Variants in GOLGA4 observed in about 807,000 individuals in gnomAD.
GOLGA4 encodes the protein golgin A4, also known as golgin subfamily A member 4.
A neutral mutation model predicts 265.9 loss-of-function variants in GOLGA4; 169 were observed. The observed-to-expected ratio is 0.64, with a 90% CI of 0.56 to 0.72. The LOEUF is 0.72. Ranked by LOEUF, GOLGA4 falls within the 30% of genes least tolerant of loss-of-function variation. The pLI is 0.00. For synonymous variants in GOLGA4, 923 were observed against 855.8 expected, an observed-to-expected ratio of 1.08 and a Z score of -1.37; for missense variants, 2,482 against 2,483.4, an observed-to-expected ratio of 1.00 and a Z score of 0.01.
intron 1 of GOLGA4, among the ~76,000 whole-genome samples, chr3:37,248,022 C>G (rs1444943229): frequency 2.0e-5 from 3 of 152,286 alleles, no homozygotes; most frequent in African/African-American, 7.2e-5. Context: ...TTAAATATGC[C>G]TTTAAAATCC....
rs772186725 is a variant in GOLGA4, at chr3:37,326,356, G to A, written c.4470G>A (p.Gln1490=). The part of the protein sequence containing the change: ...QINLLKEELD[Q]QNKRFDCLKG... ...ATTTATTGAAGGAAGAGCTTGATCA[G>A]CAAAATAAAAGATTTGATTGTTTAA... The change falls in exon 14 of 24, where the codon CAG becomes CAA. Residue 1490 remains glutamine (Q), a synonymous_variant. Transcript: ENST00000361924. 6.2e-7 allele frequency: 1 copy of A among 1,612,528 alleles called. No individual in the cohort carries two copies. The highest frequency in any genetic ancestry group is 8.5e-7 in the Non-Finnish European group (1 of 1,179,482).
Position 37,325,055 on chromosome 3 carries a change from G to T in GOLGA4, c.3169G>T (p.Glu1057Ter). The change falls in exon 14 of 24, where the codon GAA (glutamate) becomes TAA (stop). Residue 1057 changes from glutamate (E) to a stop codon, truncating the protein, a stop_gained. Coordinates refer to ENST00000361924, the MANE Select transcript of GOLGA4 (RefSeq NM_002078.5). LOFTEE classifies it high-confidence loss of function. ...AAAGAAACTTAATCAGCAAGCTGAA[G>T]AACTTCAGGAAATACATGAAATCCA... ...WEKKLNQQAE[E>*]LQEIHEIQLQ... 1 of 1,612,810 alleles carries T rather than the reference G, an allele frequency of 6.2e-7. No homozygotes were observed. Among genetic ancestry groups the T allele is most frequent in the East Asian group, 2.2e-5 (1 of 44,834 alleles).
chr3:37,295,501 G>A (rs1411693103), intron 6 of GOLGA4, among the ~76,000 whole-genome samples: 1 of 152,212 alleles, frequency 6.6e-6, no homozygotes, highest in Non-Finnish European at 1.5e-5. Context: ...TTATAGGCAT[G>A]AGCCACCACT....
chr3:37,279,512 C>T (rs919269135), intron 2 of GOLGA4, among the ~76,000 whole-genome samples: 10 of 152,226 alleles, frequency 6.6e-5, no homozygotes, highest in Non-Finnish European at 1.5e-4. Flanking sequence ...GCAGGTTCCC[C>T]ATGATGCTCC....
chr3:37,267,146 A>T (rs1253206774), intron 2 of GOLGA4, among the ~76,000 whole-genome samples: 1 of 152,236 alleles, frequency 6.6e-6, no homozygotes, highest in Non-Finnish European at 1.5e-5. Context: ...TGTAACTGCA[A>T]CAAAAATAAC....
intron 16 of GOLGA4, 163 bp downstream of exon 16, chr3:37,329,256 G>A: frequency 2.0e-6 from 1 of 499,196 alleles, no homozygotes; most frequent in Non-Finnish European, 3.4e-6. Flanking sequence ...GATTTATAAA[G>A]TTGAGTTGAT....
At chr3:37,350,157 C>T (rs965620561) in intron 21 of GOLGA4, among the ~76,000 whole-genome samples, 3 of 152,134 alleles carry the variant, frequency 2.0e-5, no homozygotes, top group Admixed American at 6.5e-5. Flanking sequence ...TCCTTACTTC[C>T]CAGGGCCTGA....
chr3:37,291,099 A>C (rs184871206), intron 5 of GOLGA4, among the ~76,000 whole-genome samples: 2 of 152,292 alleles, frequency 1.3e-5, no homozygotes, highest in Admixed American at 1.3e-4. Flanking sequence ...AGTAATGGAG[A>C]GCAGGCATGT....
At position 37,325,984 on chromosome 3, in the gene GOLGA4, A is replaced by AT; in HGVS notation, c.4098_4099insT (p.Val1367CysfsTer2). The AT allele has an allele frequency of 6.2e-7, 1 of 1,612,706 alleles. No homozygotes were observed. The highest frequency in any genetic ancestry group is 8.5e-7 in the Non-Finnish European group (1 of 1,179,210). On this transcript the variant is annotated frameshift_variant, in exon 14 of 24. Coordinates refer to ENST00000361924, the MANE Select transcript of GOLGA4 (RefSeq NM_002078.5). LOFTEE classifies it high-confidence loss of function. ...TGAAAGAAGAGCTTAAAGAAAAAAA[A>AT]GTTGAGATTAGCAGTCTTAGTAAAC...
Position 37,282,175 on chromosome 3 carries a change from T to C in GOLGA4, c.380T>C (p.Leu127Ser). ...PSDMDSEAED[L>S]VGNSDSLNKE... ...GATATGGATAGCGAGGCTGAAGACT[T>C]GGTAGGGAATTCAGACAGTCTCAAC... Residue 127 changes from leucine (L) to serine (S), a missense_variant, in exon 3 of 24, where the codon TTG (leucine) becomes TCG (serine). Coordinates refer to ENST00000361924, the MANE Select transcript of GOLGA4 (RefSeq NM_002078.5). The C allele has an allele frequency of 6.2e-7, 1 of 1,614,048 alleles. No homozygotes were observed. Among genetic ancestry groups the C allele is most frequent in the Non-Finnish European group, 8.5e-7 (1 of 1,179,902 alleles).
At chr3:37,329,114 C>T (rs2096981838) in intron 16 of GOLGA4, 21 bp downstream of exon 16, 1 of 1,561,900 alleles carries the variant, frequency 6.4e-7, no homozygotes, top group Non-Finnish European at 8.7e-7. Flanking sequence ...TATTTCTTCT[C>T]TCTCACTTTT....
At chr3:37,361,764 G>A (rs1696291234) in intron 23 of GOLGA4, among the ~76,000 whole-genome samples, 2 of 152,194 alleles carry the variant, frequency 1.3e-5, no homozygotes. Flanking sequence ...ATGAAAACTA[G>A]TAAGATCAAT....
intron 20 of GOLGA4, among the ~76,000 whole-genome samples, chr3:37,343,457 C>A (rs1164296728): frequency 6.6e-6 from 1 of 152,062 alleles, no homozygotes; most frequent in East Asian, 1.9e-4. Context: ...ACTCAGGTAT[C>A]TGCCCACCTC....
intron 19 of GOLGA4, among the ~76,000 whole-genome samples, chr3:37,338,990 T>G (rs1268514002): frequency 6.6e-6 from 1 of 151,624 alleles, no homozygotes; most frequent in Non-Finnish European, 1.5e-5. Context: ...GCCTGCTGAG[T>G]AGCTGGGACT....
chr3:37,260,043 C>T (rs1016852259), intron 2 of GOLGA4, among the ~76,000 whole-genome samples: 3 of 151,560 alleles, frequency 2.0e-5, no homozygotes, highest in African/African-American at 7.3e-5. Flanking sequence ...TATATTATCA[C>T]AGGTACTTTT....
At chr3:37,281,255 G>C (rs1175458512) in intron 2 of GOLGA4, among the ~76,000 whole-genome samples, 1 of 152,186 alleles carries the variant, frequency 6.6e-6, no homozygotes, top group Non-Finnish European at 1.5e-5. Flanking sequence ...TTACTGATTT[G>C]TGCAGAGGGA....
In GOLGA4 at chr3:37,323,631, A is replaced by G. The variant is rs1253339602; in HGVS notation, c.1745A>G (p.Glu582Gly). ...AGTTCTTTGGAAAAAAGCTTACAAG[A>G]AAACAAAAATCAGTCAAAAGATTTG... The part of the protein sequence containing the change: ...LESSLEKSLQ[E>G]NKNQSKDLAV... The change falls in exon 14 of 24, where the codon GAA becomes GGA. Residue 582 changes from glutamate to glycine, a missense_variant. Glu to Gly is a moderately conservative substitution (Grantham distance 98). Transcript: ENST00000361924. 3.2e-6 allele frequency: 5 copies of G among 1,579,260 alleles called. No homozygotes were observed. The highest frequency in any genetic ancestry group is 3.4e-6 in the Non-Finnish European group (4 of 1,168,918).
chr3:37,354,542 G>A (rs950987846), intron 21 of GOLGA4, among the ~76,000 whole-genome samples: 13 of 151,926 alleles, frequency 8.6e-5, no homozygotes, highest in Non-Finnish European at 1.6e-4. Flanking sequence ...GTAATGTTTC[G>A]ATTCATCATG....
In GOLGA4 at chr3:37,327,504, A is replaced by C. The variant is rs1217562739; in HGVS notation, c.5618A>C (p.Glu1873Ala). Reference sequence around the variant, plus strand: ...AGACAGAAAGAAGTACATAGAGTTGAAATGGAAGAGTTGACCTCAAAATAT... The same window carrying C: ...AGACAGAAAGAAGTACATAGAGTTGCAATGGAAGAGTTGACCTCAAAATAT... Reference protein sequence around the residue: ...LVRQKEVHRVEMEELTSKYEK... With the variant: ...LVRQKEVHRVAMEELTSKYEK... Residue 1873 changes from glutamate to alanine, a missense_variant, in exon 14 of 24, where the codon GAA becomes GCA. Coordinates refer to ENST00000361924, the MANE Select transcript of GOLGA4 (RefSeq NM_002078.5). 1.2e-6 allele frequency: 2 copies of C among 1,613,408 alleles called. No homozygotes were observed. Among genetic ancestry groups the C allele is most frequent in the Non-Finnish European group, 8.5e-7 (1 of 1,179,394 alleles).
Sources: gnomAD v4.1 joint callset for allele counts (sites outside exome capture counted in the v4.1 genomes callset) on GRCh38, gnomAD v4.1.1 for gene constraint, MANE v1.5 for transcripts, NCBI Gene and HGNC (gene_info 2026-07-23, HGNC 2026-07-21) for gene names.